NAALADL2: variants seen among roughly 807,000 people sequenced by gnomAD.
The protein encoded by NAALADL2 is N-acetylated alpha-linked acidic dipeptidase like 2.
NAALADL2 carries 76 observed loss-of-function variants against 87.2 expected under a neutral mutation model. That is an observed-to-expected ratio of 0.87 (90% CI 0.72 to 1.05). NAALADL2 has a LOEUF of 1.05. NAALADL2 is among the 50% of genes least tolerant of loss of function. NAALADL2 has a pLI of 0.00. For missense variants in NAALADL2, 1,089 were observed against 945.8 expected (o/e 1.15, Z -1.99); for synonymous variants, 354 against 331.0 (o/e 1.07, Z -0.75).
intron 8 of NAALADL2, among the ~76,000 whole-genome samples, chr3:175,469,211 T>C (rs1724528976): frequency 6.6e-6 from 1 of 152,128 alleles, no homozygotes; most frequent in Non-Finnish European, 1.5e-5. Flanking sequence ...TATAATTTAC[T>C]GTGTCTCACC....
intron 1 of NAALADL2, among the ~76,000 whole-genome samples, chr3:174,469,132 T>C (rs1371111861): frequency 6.6e-6 from 1 of 152,056 alleles, no homozygotes; most frequent in Non-Finnish European, 1.5e-5. Flanking sequence ...AGGATAAAGG[T>C]TCTTTGTTCT....
intron 1 of NAALADL2, among the ~76,000 whole-genome samples, chr3:174,945,154 T>C (rs1739213323): frequency 6.6e-6 from 1 of 152,186 alleles, no homozygotes; most frequent in Non-Finnish European, 1.5e-5. Context: ...TATTTCTCCA[T>C]TTGTGGAAAA....
intron 1 of NAALADL2, among the ~76,000 whole-genome samples, chr3:175,018,989 C>G (rs1231366053): frequency 6.6e-6 from 1 of 151,930 alleles, no homozygotes; most frequent in East Asian, 1.9e-4. Flanking sequence ...TGAAAGAAAC[C>G]ACCTCCTGCT....
At chr3:175,338,389 T>G (rs1762211905) in intron 5 of NAALADL2, among the ~76,000 whole-genome samples, 1 of 151,852 alleles carries the variant, frequency 6.6e-6, no homozygotes, top group African/African-American at 2.4e-5. Context: ...TATATTAAGA[T>G]GCTGCAGGGC....
chr3:175,538,342 C>T (rs1031060785), intron 9 of NAALADL2, among the ~76,000 whole-genome samples: 1 of 151,372 alleles, frequency 6.6e-6, no homozygotes, highest in African/African-American at 2.4e-5. Flanking sequence ...AAAATATTAA[C>T]ATTTTTTCCT....
intron 3 of NAALADL2, among the ~76,000 whole-genome samples, chr3:174,761,475 G>A (rs1322961088): frequency 6.6e-6 from 1 of 151,950 alleles, no homozygotes; most frequent in Non-Finnish European, 1.5e-5. Flanking sequence ...TCACTTACAA[G>A]GTTCTTGAAG....
At chr3:174,751,458 T>A (rs1297285771) in intron 3 of NAALADL2, among the ~76,000 whole-genome samples, 1 of 151,832 alleles carries the variant, frequency 6.6e-6, no homozygotes, top group African/African-American at 2.4e-5. Flanking sequence ...AGGTCAGGAG[T>A]TCGAGACCAG....
intron 10 of NAALADL2, among the ~76,000 whole-genome samples, chr3:175,621,268 G>A (rs1203311588): frequency 6.6e-6 from 1 of 152,152 alleles, no homozygotes; most frequent in Non-Finnish European, 1.5e-5. Context: ...CCCCTCCTAA[G>A]AGAGGGAGAG....
At chr3:175,041,061 C>A (rs770327805) in intron 1 of NAALADL2, among the ~76,000 whole-genome samples, 14 of 152,004 alleles carry the variant, frequency 9.2e-5, no homozygotes, top group Non-Finnish European at 1.9e-4. Flanking sequence ...TGTGCAACTG[C>A]CTCTTGGAAT....
intron 11 of NAALADL2, among the ~76,000 whole-genome samples, chr3:175,703,238 A>T (rs1358249735): frequency 2.0e-5 from 3 of 152,102 alleles, no homozygotes; most frequent in Non-Finnish European, 2.9e-5. Flanking sequence ...GTAGAGAGAA[A>T]TTTCTGTTGC....
intron 2 of NAALADL2, among the ~76,000 whole-genome samples, chr3:175,150,589 G>C (rs754169631): frequency 3.3e-5 from 5 of 152,114 alleles, no homozygotes; most frequent in African/African-American, 4.8e-5. Flanking sequence ...TGGTAGCATA[G>C]CCAGTTCGAA....
intron 2 of NAALADL2, among the ~76,000 whole-genome samples, chr3:174,703,032 A>G (rs1294009482): frequency 6.6e-6 from 1 of 152,240 alleles, no homozygotes; most frequent in African/African-American, 2.4e-5. Context: ...AATAGAAAAT[A>G]TTAAAAGTAA....
intron 9 of NAALADL2, among the ~76,000 whole-genome samples, chr3:175,520,621 A>G (rs781677466): frequency 7.2e-5 from 11 of 152,194 alleles, no homozygotes; most frequent in Non-Finnish European, 1.2e-4. Context: ...TAAGATGGCT[A>G]TATATCCAGA....
intron 9 of NAALADL2, among the ~76,000 whole-genome samples, chr3:175,575,728 G>C (rs1718778378): frequency 6.6e-6 from 1 of 152,134 alleles, no homozygotes; most frequent in Non-Finnish European, 1.5e-5. Flanking sequence ...AATATCGTCA[G>C]AGTCATCAGA....
intron 3 of NAALADL2, among the ~76,000 whole-genome samples, chr3:174,761,506 G>T (rs1331814623): frequency 6.6e-6 from 1 of 152,126 alleles, no homozygotes; most frequent in African/African-American, 2.4e-5. Context: ...GAACGTAGAT[G>T]ACTTAGATTA....
At chr3:174,615,023 G>GT (rs1195769565) in intron 2 of NAALADL2, among the ~76,000 whole-genome samples, 3 of 152,138 alleles carry the variant, frequency 2.0e-5, no homozygotes, top group Admixed American at 2.0e-4. Context: ...CTTTGTAACA[G>GT]TGCATTTACC....
chr3:175,724,755 T>A (rs1028504846), intron 11 of NAALADL2, among the ~76,000 whole-genome samples: 35 of 152,094 alleles, frequency 2.3e-4, no homozygotes, highest in African/African-American at 8.2e-4. Flanking sequence ...AGAAACATGA[T>A]GTCATTATTT....
Position 175,809,983 on chromosome 3 carries a change from G to T in NAALADL2, c.*6780G>T, listed in dbSNP as rs1230637231. On this transcript the variant is annotated 3_prime_UTR_variant, in exon 14 of 14. Coordinates refer to ENST00000454872, the MANE Select transcript of NAALADL2 (RefSeq NM_207015.3). ...ATTAAAAACACATATCTCTCAAGAG[G>T]TGTCCCAATTACTAAATTATGTTGA... is the stretch of plus-strand genomic sequence containing the variant. 6.6e-6 allele frequency: 1 copy of T among 151,970 alleles called. No homozygotes were observed. The highest frequency in any genetic ancestry group is 1.5e-5 in the Non-Finnish European group (1 of 67,950). The allele number at this position is 151,970 out of a possible 1,614,324, so 9.4% of individuals were successfully genotyped here. A position where few individuals can be genotyped will look rare whatever the true frequency, so the allele number is the denominator to read the frequency against.
At chr3:175,116,587 C>A (rs996332997) in intron 2 of NAALADL2, among the ~76,000 whole-genome samples, 8 of 151,896 alleles carry the variant, frequency 5.3e-5, no homozygotes, top group African/African-American at 1.7e-4. Flanking sequence ...TAAAAGAGGA[C>A]ACAAACAAAT....
Sources: gnomAD v4.1 joint callset for allele counts (sites outside exome capture counted in the v4.1 genomes callset) on GRCh38, gnomAD v4.1.1 for gene constraint, MANE v1.5 for transcripts, NCBI Gene and HGNC (gene_info 2026-07-23, HGNC 2026-07-21) for gene names.